Variants in SEMA3A observed in about 807,000 individuals in gnomAD.
SEMA3A encodes the protein semaphorin 3A.
In SEMA3A, 29 loss-of-function variants were observed where a neutral mutation model predicts 97.9. The ratio of observed to expected loss-of-function variants is 0.30; its 90% CI spans 0.22 to 0.40. The LOEUF (loss-of-function observed/expected upper bound fraction) is 0.40. Ranked by LOEUF, SEMA3A falls within the 10% of genes least tolerant of loss-of-function variation. SEMA3A has a pLI of 1.00. For synonymous variants in SEMA3A, 321 were observed against 323.7 expected (o/e 0.99, Z 0.09); for missense variants, 763 against 951.3 (o/e 0.80, Z 2.60).
intron 3 of SEMA3A, among the ~76,000 whole-genome samples, chr7:84,217,246 T>C (rs574764872): frequency 1.3e-5 from 2 of 152,310 alleles, no homozygotes; most frequent in South Asian, 2.1e-4. Context: ...AATTAATTAA[T>C]TCATCTGTTT....
At chr7:84,055,524 G>T (rs1792929603) in intron 5 of SEMA3A, among the ~76,000 whole-genome samples, 1 of 152,200 alleles carries the variant, frequency 6.6e-6, no homozygotes, top group African/African-American at 2.4e-5. Context: ...CTGACCCCTT[G>T]CGCTTCCCGA....
chr7:84,181,669 T>C (rs964566129), intron 1 of SEMA3A, among the ~76,000 whole-genome samples: 2 of 152,150 alleles, frequency 1.3e-5, no homozygotes, highest in African/African-American at 2.4e-5. Flanking sequence ...TACAAATTCA[T>C]CACTGATTAT....
upstream of SEMA3A, among the ~76,000 whole-genome samples, chr7:84,200,020 A>G (rs1562848856): frequency 6.6e-6 from 1 of 152,070 alleles, no homozygotes; most frequent in African/African-American, 2.4e-5. Flanking sequence ...AGAGAATTCA[A>G]TCTGTAGGGA....
chr7:84,203,347 T>G (rs1221023704), intron 3 of SEMA3A, among the ~76,000 whole-genome samples: 2 of 151,076 alleles, frequency 1.3e-5, no homozygotes, highest in Non-Finnish European at 2.9e-5. Context: ...TATTTTATTT[T>G]TAATGCTCAG....
At chr7:84,429,551 G>GTATATATATATATATATAT (rs1562945161) in intron 1 of SEMA3A, among the ~76,000 whole-genome samples, 2 of 52,618 alleles carry the variant, frequency 3.8e-5, no homozygotes, top group East Asian at 1.9e-3. Context: ...TATATATAGC[G>GTATATATATATATATATAT]AGAGAGAGAG....
intron 1 of SEMA3A, among the ~76,000 whole-genome samples, chr7:84,186,809 T>C (rs1224010747): frequency 2.6e-5 from 4 of 151,890 alleles, no homozygotes; most frequent in Admixed American, 6.6e-5. Flanking sequence ...TTATTCTAAA[T>C]ACCAATCTAT....
intron 1 of SEMA3A, among the ~76,000 whole-genome samples, chr7:84,420,189 A>T (rs1194438735): frequency 8.6e-6 from 1 of 116,154 alleles, no homozygotes; most frequent in Non-Finnish European, 1.9e-5. Flanking sequence ...CATTCACAGG[A>T]AAAAAAAAAA....
rs376001901 is a variant in SEMA3A, at chr7:84,194,465, T to G, written c.112+10A>C. On this transcript the variant is annotated intron_variant, in intron 1 of 16. Coordinates refer to ENST00000265362, the MANE Select transcript of SEMA3A (RefSeq NM_006080.3). Reference sequence around the variant, plus strand: ...CAAAGCTAACCAAATAAAAGAAAAATAAGATTTACCTTTGTAGGATAATTT... The same window carrying G: ...CAAAGCTAACCAAATAAAAGAAAAAGAAGATTTACCTTTGTAGGATAATTT... 6.4e-7 allele frequency: 1 copy of G among 1,563,090 alleles called. No homozygotes were observed. Among genetic ancestry groups the G allele is most frequent in the Admixed American group, 1.7e-5 (1 of 59,490 alleles).
At chr7:84,163,408 C>A (rs1343493318) in intron 1 of SEMA3A, among the ~76,000 whole-genome samples, 1 of 151,910 alleles carries the variant, frequency 6.6e-6, no homozygotes, top group Non-Finnish European at 1.5e-5. Flanking sequence ...AAAAAAGAAA[C>A]CAACTGTCCT....
At chr7:84,287,580 T>A (rs1355459388) in intron 3 of SEMA3A, among the ~76,000 whole-genome samples, 3 of 152,182 alleles carry the variant, frequency 2.0e-5, no homozygotes, top group Admixed American at 2.0e-4. Flanking sequence ...CTTCATTCAA[T>A]TTGTTTAATT....
intron 15 of SEMA3A, among the ~76,000 whole-genome samples, chr7:83,976,623 C>G (rs984596767): frequency 4.0e-5 from 6 of 151,728 alleles, no homozygotes; most frequent in African/African-American, 1.5e-4. Flanking sequence ...TACAAAATGC[C>G]CAGTGTAAGG....
chr7:84,062,758 T>G (rs573097236), intron 4 of SEMA3A, among the ~76,000 whole-genome samples: 8 of 152,128 alleles, frequency 5.3e-5, no homozygotes, highest in South Asian at 4.1e-4. Flanking sequence ...GCACCTGGCT[T>G]GGAGGGTCCT....
At position 84,369,945 on chromosome 7, in the gene SEMA3A, AG is replaced by A. The variant is rs145917741; in HGVS notation, c.-169+1878del. 0.013 allele frequency among the ~76,000 whole-genome samples: 1,977 copies of A among 151,310 alleles called. 67 individuals are homozygous for A. The East Asian group carries it at 0.14, about 11-fold the overall frequency. ...GGTAGAGGCTGGACCTGTTATTTAA[AG>A]GACATATAAGCTTTTGTCAAGATGG... On this transcript the variant is annotated intron_variant, in intron 2 of 3. Coordinates refer to the SEMA3A transcript ENST00000424555.
In SEMA3A at chr7:84,395,891, T is replaced by C. The variant is rs972037697; in HGVS notation, c.-245-23991A>G. ...GCATGAGAACAGACTAATACAAGGA[T>C]CAAGAAAGGTAAAAAATGTATGTAC... On this transcript the variant is annotated intron_variant, in intron 1 of 3. Coordinates refer to the SEMA3A transcript ENST00000424555. 1.1e-4 allele frequency among the ~76,000 whole-genome samples: 17 copies of C among 152,074 alleles called. 1 individual carries two copies. In the South Asian group the frequency reaches 3.5e-3, roughly 32 times the overall value.
intron 1 of SEMA3A, among the ~76,000 whole-genome samples, chr7:84,145,437 A>G (rs1434925377): frequency 6.6e-6 from 1 of 152,194 alleles, no homozygotes; most frequent in African/African-American, 2.4e-5. Context: ...ACAAAAATTT[A>G]GAAAAAGTAA....
intron 3 of SEMA3A, among the ~76,000 whole-genome samples, chr7:84,299,730 T>C (rs1277377067): frequency 6.6e-6 from 1 of 151,314 alleles, no homozygotes; most frequent in Non-Finnish European, 1.5e-5. Flanking sequence ...ATCCAAACTA[T>C]AAATGACATT....
At chr7:84,172,679 G>C (rs1797428044) in intron 1 of SEMA3A, among the ~76,000 whole-genome samples, 1 of 152,012 alleles carries the variant, frequency 6.6e-6, no homozygotes, top group Non-Finnish European at 1.5e-5. Context: ...GCCTGCCTTG[G>C]CCTCCCAAAG....
At chr7:84,318,121 A>G (rs1192653088) in intron 2 of SEMA3A, among the ~76,000 whole-genome samples, 1 of 152,036 alleles carries the variant, frequency 6.6e-6, no homozygotes, top group Admixed American at 6.5e-5. Context: ...TAAAAGAAAA[A>G]CATGCACTTA....
intron 1 of SEMA3A, among the ~76,000 whole-genome samples, chr7:84,470,381 T>C (rs889806635): frequency 2.0e-5 from 3 of 152,148 alleles, no homozygotes; most frequent in African/African-American, 7.2e-5. Flanking sequence ...AACTAAGCTA[T>C]ATGATGAAGC....
Sources: allele counts gnomAD v4.1 joint callset (sites outside exome capture counted in the v4.1 genomes callset), GRCh38; gene constraint gnomAD v4.1.1; transcripts MANE v1.5; gene names NCBI Gene and HGNC (gene_info 2026-07-23, HGNC 2026-07-21).